Variants in SLC16A10 observed in about 807,000 individuals in gnomAD.
The protein encoded by SLC16A10 is monocarboxylate transporter 10.
In SLC16A10, 27 loss-of-function variants were observed where a neutral mutation model predicts 40.0. The observed-to-expected ratio is 0.67, with a 90% CI of 0.50 to 0.93. SLC16A10 has a LOEUF of 0.93. Among genes scored for constraint, SLC16A10 ranks in the 40% least tolerant of loss-of-function variants. The probability of loss-of-function intolerance (pLI) is 0.00; values close to 1 mark genes in which losing one functional copy is unlikely to be tolerated. For missense variants in SLC16A10, 529 were observed against 658.2 expected, an observed-to-expected ratio of 0.80 and a Z score of 2.15; for synonymous variants, 213 against 249.8, an observed-to-expected ratio of 0.85 and a Z score of 1.39.
intron 3 of SLC16A10, 149 bp from the exon 4 acceptor site, chr6:111,206,443 A>G: frequency 3.8e-6 from 3 of 782,584 alleles, no homozygotes; most frequent in Non-Finnish European, 6.1e-6. Context: ...CATGAAAATT[A>G]TCACAGGACA....
intron 1 of SLC16A10, among the ~76,000 whole-genome samples, chr6:111,130,478 T>C (rs1347156066): frequency 6.6e-6 from 1 of 152,182 alleles, no homozygotes; most frequent in Non-Finnish European, 1.5e-5. Flanking sequence ...GACTCCCCCT[T>C]TTTGGGGGAG....
At position 111,087,842 on chromosome 6, in the gene SLC16A10, G is replaced by A; in HGVS notation, c.90G>A (p.Pro30=). ...CCGCGCCCACGGGGGCCGCTCCGCC[G>A]CCCGGCCCGGGACCCTCGGACAGCC... The part of the protein sequence containing the change: ...LGPAPTGAAP[P]PGPGPSDSPE... Residue 30 remains proline (P), a synonymous_variant, in exon 1 of 6, where the codon CCG becomes CCA. Transcript: ENST00000368851. 7.3e-7 allele frequency: 1 copy of A among 1,367,734 alleles called. No homozygotes were observed. The highest frequency in any genetic ancestry group is 9.4e-7 in the Non-Finnish European group (1 of 1,067,626). The allele number at this position is 1,367,734 out of a possible 1,614,324, so 84.7% of individuals were successfully genotyped here.
At chr6:111,132,470 C>T (rs1279717353) in intron 1 of SLC16A10, among the ~76,000 whole-genome samples, 1 of 152,178 alleles carries the variant, frequency 6.6e-6, no homozygotes, top group Non-Finnish European at 1.5e-5. Flanking sequence ...AAATCCGTAA[C>T]CCAGTAACAC....
chr6:111,114,217 G>A (rs1771443430), intron 1 of SLC16A10, among the ~76,000 whole-genome samples: 1 of 152,116 alleles, frequency 6.6e-6, no homozygotes, highest in Non-Finnish European at 1.5e-5. Context: ...GTCTTCTAAT[G>A]CTGTGATGTG....
chr6:111,152,348 T>C (rs1772186924), intron 1 of SLC16A10, among the ~76,000 whole-genome samples: 2 of 152,226 alleles, frequency 1.3e-5, no homozygotes, highest in African/African-American at 4.8e-5. Flanking sequence ...TCACTGCTGT[T>C]TTCTCAGCAT....
chr6:111,219,560 T>C (rs1163161068), intron 5 of SLC16A10, among the ~76,000 whole-genome samples: 2 of 151,846 alleles, frequency 1.3e-5, no homozygotes, highest in African/African-American at 2.4e-5. Context: ...GATTTCTAAA[T>C]ATGTCGGCTT....
intron 1 of SLC16A10, among the ~76,000 whole-genome samples, chr6:111,109,127 G>A (rs1771339016): frequency 6.6e-6 from 1 of 152,146 alleles, no homozygotes; most frequent in Non-Finnish European, 1.5e-5. Flanking sequence ...CAGTTTGATA[G>A]TTCTGACAAT....
intron 3 of SLC16A10, among the ~76,000 whole-genome samples, chr6:111,203,751 T>TAAATAAATAAATAAAA (rs1554261471): frequency 0.24 from 35,026 of 146,148 alleles, 5,205 homozygotes; most frequent in East Asian, 0.54. Context: ...AATAAATAAA[T>TAAATAAATAAATAAAA]AAAATAATGC....
At chr6:111,126,302 G>A (rs1488338390) in intron 1 of SLC16A10, among the ~76,000 whole-genome samples, 1 of 152,032 alleles carries the variant, frequency 6.6e-6, no homozygotes, top group African/African-American at 2.4e-5. Flanking sequence ...ATTGGGGTTG[G>A]TGTTTGGTTG....
At chr6:111,119,783 CAG>C (rs1252498229) in intron 1 of SLC16A10, among the ~76,000 whole-genome samples, 1 of 152,158 alleles carries the variant, frequency 6.6e-6, no homozygotes. Flanking sequence ...GAAGAAACAC[CAG>C]ATACACTCAT....
chr6:111,178,514 C>T (rs1772731626), intron 3 of SLC16A10: 1 of 496,376 alleles, frequency 2.0e-6, no homozygotes, highest in East Asian at 5.7e-5. Context: ...AGTTCAAGAC[C>T]AGCGTGGGCA....
At chr6:111,147,714 GTC>G (rs1349287335) in intron 1 of SLC16A10, among the ~76,000 whole-genome samples, 8 of 152,202 alleles carry the variant, frequency 5.3e-5, no homozygotes, top group African/African-American at 1.9e-4. Context: ...TGCAGTGTCA[GTC>G]TCTGAGTTTG....
chr6:111,094,069 A>G (rs970190745), intron 1 of SLC16A10, among the ~76,000 whole-genome samples: 4 of 152,236 alleles, frequency 2.6e-5, no homozygotes, highest in Admixed American at 6.5e-5. Flanking sequence ...AACTGCTGAA[A>G]GAACCCAATT....
chr6:111,095,950 G>A (rs1035755604), intron 1 of SLC16A10, among the ~76,000 whole-genome samples: 3 of 152,148 alleles, frequency 2.0e-5, no homozygotes, highest in African/African-American at 7.2e-5. Context: ...TAAAGAAAAG[G>A]CTTTCATGTA....
At chr6:111,192,730 A>G (rs1583354822) in intron 3 of SLC16A10, among the ~76,000 whole-genome samples, 1 of 152,126 alleles carries the variant, frequency 6.6e-6, no homozygotes, top group South Asian at 2.1e-4. Flanking sequence ...GTGGAGGAGG[A>G]GCAAAACCAT....
intron 1 of SLC16A10, among the ~76,000 whole-genome samples, chr6:111,138,026 C>T (rs1359654624): frequency 6.6e-6 from 1 of 152,222 alleles, no homozygotes; most frequent in Non-Finnish European, 1.5e-5. Context: ...GGTACCCTCC[C>T]TTTGTATGGG....
intron 1 of SLC16A10, among the ~76,000 whole-genome samples, chr6:111,165,835 C>T (rs1772462291): frequency 6.6e-6 from 1 of 152,244 alleles, no homozygotes; most frequent in African/African-American, 2.4e-5. Context: ...AGAAAGTACT[C>T]ATTCCCTAAG....
At chr6:111,216,748 T>C (rs1003180208) in intron 4 of SLC16A10, among the ~76,000 whole-genome samples, 1 of 152,156 alleles carries the variant, frequency 6.6e-6, no homozygotes, top group Non-Finnish European at 1.5e-5. Flanking sequence ...ATCATAATTT[T>C]ACCATAAGAC....
intron 3 of SLC16A10, among the ~76,000 whole-genome samples, chr6:111,202,312 C>T (rs1773180619): frequency 1.3e-5 from 2 of 152,004 alleles, no homozygotes; most frequent in Admixed American, 6.6e-5. Flanking sequence ...CATGTCACTA[C>T]AAAAATGATT....
Sources: allele counts gnomAD v4.1 joint callset (sites outside exome capture counted in the v4.1 genomes callset), GRCh38; gene constraint gnomAD v4.1.1; transcripts MANE v1.5; gene names NCBI Gene and HGNC (gene_info 2026-07-23, HGNC 2026-07-21).